SKAP1: variants seen among roughly 807,000 people sequenced by gnomAD.
The protein encoded by SKAP1 is src kinase-associated phosphoprotein 1.
SKAP1 carries 44 observed loss-of-function variants against 58.5 expected under a neutral mutation model. That is an observed-to-expected ratio of 0.75 (90% CI 0.59 to 0.97). SKAP1 has a LOEUF of 0.97. SKAP1 is among the 50% of genes least tolerant of loss of function. The pLI, the probability that SKAP1 is intolerant of heterozygous loss-of-function variation, is 0.00. For missense variants in SKAP1, 390 were observed against 435.2 expected, an observed-to-expected ratio of 0.90 and a Z score of 0.92; for synonymous variants, 127 against 149.7, an observed-to-expected ratio of 0.85 and a Z score of 1.11.
intron 4 of SKAP1, among the ~76,000 whole-genome samples, chr17:48,190,183 T>G: frequency 6.6e-6 from 1 of 151,258 alleles, no homozygotes; most frequent in African/African-American, 2.4e-5. Flanking sequence ...CTTGGCTCAC[T>G]GCAAGCTCCA....
At chr17:48,312,138 C>T (rs2066231382) in intron 4 of SKAP1, among the ~76,000 whole-genome samples, 1 of 152,170 alleles carries the variant, frequency 6.6e-6, no homozygotes, top group African/African-American at 2.4e-5. Context: ...GTTTGGGCTC[C>T]AGTGCATGTG....
At chr17:48,406,259 G>A (rs1275672070) in intron 1 of SKAP1, among the ~76,000 whole-genome samples, 4 of 149,658 alleles carry the variant, frequency 2.7e-5, no homozygotes, top group Admixed American at 6.7e-5. Context: ...GCAAGACTCC[G>A]TCTCAAAAAA....
At chr17:48,197,253 G>C (rs148807288) in intron 4 of SKAP1, among the ~76,000 whole-genome samples, 1 of 67,506 alleles carries the variant, frequency 1.5e-5, no homozygotes, top group African/African-American at 5.2e-5. Flanking sequence ...GCGAGACTCC[G>C]ACTCAAAAAA....
At chr17:48,221,724 G>A (rs757211554) in intron 4 of SKAP1, among the ~76,000 whole-genome samples, 1 of 152,202 alleles carries the variant, frequency 6.6e-6, no homozygotes, top group Non-Finnish European at 1.5e-5. Context: ...GAATTGCCGA[G>A]TATCTTTAAG....
chr17:48,148,309 A>C lies in SKAP1; in HGVS notation c.979-10972T>G, dbSNP rs182685584. 2.6e-4 allele frequency among the ~76,000 whole-genome samples: 39 copies of C among 152,346 alleles called. No homozygotes were observed. The East Asian group carries it at 6.9e-3, about 27-fold the overall frequency. ...GCTGTAAAGAAAGAGAAATGAAAAGAAGCACACAACTTTACCTAAAGAAGA... is the reference window on the plus strand; with the variant it reads ...GCTGTAAAGAAAGAGAAATGAAAAGCAGCACACAACTTTACCTAAAGAAGA... On this transcript the variant is annotated intron_variant, in intron 11 of 12. Transcript: ENST00000336915.
chr17:48,354,847 C>CA (rs767795805), intron 3 of SKAP1, among the ~76,000 whole-genome samples: 2 of 151,952 alleles, frequency 1.3e-5, no homozygotes, highest in Non-Finnish European at 2.9e-5. Context: ...TACTTACTCA[C>CA]AAAAAAGTTT....
At chr17:48,277,798 C>T (rs563987438) in intron 4 of SKAP1, among the ~76,000 whole-genome samples, 2 of 152,160 alleles carry the variant, frequency 1.3e-5, no homozygotes, top group South Asian at 4.2e-4. Context: ...TAATATGTTG[C>T]CCAGGCTGGT....
intron 4 of SKAP1, among the ~76,000 whole-genome samples, chr17:48,252,744 G>A (rs932110324): frequency 8.7e-5 from 13 of 150,278 alleles, no homozygotes; most frequent in Non-Finnish European, 1.5e-5. Context: ...GTGTGTGTGT[G>A]TGTGTGTGTG....
chr17:48,390,151 T>TG (rs1382695884), intron 2 of SKAP1, among the ~76,000 whole-genome samples: 1 of 152,138 alleles, frequency 6.6e-6, no homozygotes, highest in Non-Finnish European at 1.5e-5. Flanking sequence ...ACACAGAAAG[T>TG]GGATACAGGC....
chr17:48,440,691 T>C, the SKAP1 span, among the ~76,000 whole-genome samples: 2 of 152,192 alleles, frequency 1.3e-5, no homozygotes, highest in African/African-American at 2.4e-5. Flanking sequence ...GTGAGGATCC[T>C]CCCACCCTCA....
At chr17:48,158,062 A>G (rs1483693396) in intron 11 of SKAP1, among the ~76,000 whole-genome samples, 1 of 151,262 alleles carries the variant, frequency 6.6e-6, no homozygotes, top group Non-Finnish European at 1.5e-5. Flanking sequence ...CTGTAATCTC[A>G]GCTACTTGGG....
chr17:48,149,387 A>T (rs1013760539), intron 11 of SKAP1, among the ~76,000 whole-genome samples: 3 of 152,164 alleles, frequency 2.0e-5, no homozygotes, highest in African/African-American at 7.2e-5. Context: ...ACCCTAGACA[A>T]ATGGAAGAGA....
chr17:48,336,856 T>G (rs938337117), intron 4 of SKAP1, among the ~76,000 whole-genome samples: 16 of 152,188 alleles, frequency 1.1e-4, no homozygotes, highest in African/African-American at 3.9e-4. Context: ...TGATCACTTG[T>G]AGAGAGAAGA....
At chr17:48,290,170 T>C (rs1382377595) in intron 4 of SKAP1, among the ~76,000 whole-genome samples, 1 of 152,180 alleles carries the variant, frequency 6.6e-6, no homozygotes, top group Admixed American at 6.5e-5. Flanking sequence ...TAACAATTCG[T>C]CTATGAGGCC....
intron 4 of SKAP1, chr17:48,295,581 T>TAG (rs2065957282): frequency 1.3e-5 from 2 of 151,992 alleles, no homozygotes; most frequent in Non-Finnish European, 2.9e-5. Flanking sequence ...GGAAATGTCT[T>TAG]CAGTTTCCAA....
chr17:48,275,304 G>C (rs1276307923), intron 4 of SKAP1, among the ~76,000 whole-genome samples: 2 of 152,274 alleles, frequency 1.3e-5, no homozygotes, highest in Non-Finnish European at 2.9e-5. Context: ...TGCAGTATTT[G>C]ATATTGCTGA....
At chr17:48,326,218 G>C (rs1218505958) in intron 4 of SKAP1, among the ~76,000 whole-genome samples, 1 of 152,042 alleles carries the variant, frequency 6.6e-6, no homozygotes, top group Non-Finnish European at 1.5e-5. Context: ...CCTGCTCTTT[G>C]CCAGAACTGT....
intron 1 of SKAP1, among the ~76,000 whole-genome samples, chr17:48,415,577 A>G (rs936315254): frequency 3.3e-5 from 5 of 152,094 alleles, no homozygotes; most frequent in African/African-American, 1.2e-4. Context: ...CACACTCTCA[A>G]CAGAAAGATA....
At chr17:48,229,843 C>T (rs1567829753) in intron 4 of SKAP1, among the ~76,000 whole-genome samples, 1 of 152,168 alleles carries the variant, frequency 6.6e-6, no homozygotes, top group Non-Finnish European at 1.5e-5. Context: ...GCAACTCTTT[C>T]ACCTCTGGGC....
Sources: allele counts gnomAD v4.1 joint callset (sites outside exome capture counted in the v4.1 genomes callset), GRCh38; gene constraint gnomAD v4.1.1; transcripts MANE v1.5; gene names NCBI Gene and HGNC (gene_info 2026-07-23, HGNC 2026-07-21).